The following EIF2A variants were observed in gnomAD, a reference collection of about 807,000 sequenced individuals.
EIF2A encodes the protein 65 kDa eukaryotic translation initiation factor 2A.
In EIF2A, 62 loss-of-function variants were observed where a neutral mutation model predicts 75.2. The ratio of observed to expected loss-of-function variants is 0.82; its 90% CI spans 0.67 to 1.02. EIF2A has a LOEUF of 1.02. EIF2A is among the 50% of genes least tolerant of loss of function. EIF2A has a pLI of 0.00. For synonymous variants in EIF2A, 207 were observed against 239.0 expected, an observed-to-expected ratio of 0.87 and a Z score of 1.23; for missense variants, 611 against 677.7, an observed-to-expected ratio of 0.90 and a Z score of 1.09.
chr3:150,552,620 T>G (rs1723370511), intron 2 of EIF2A, 195 bp downstream of exon 2: 1 of 461,150 alleles, frequency 2.2e-6, no homozygotes, highest in Non-Finnish European at 3.8e-6. Context: ...AATAGTAACT[T>G]AAGCCTATTT....
At chr3:150,564,578 A>G (rs1312147273) in intron 6 of EIF2A, 197 bp downstream of exon 6, 1 of 391,990 alleles carries the variant, frequency 2.6e-6, no homozygotes, top group Non-Finnish European at 4.5e-6. Flanking sequence ...TTTTACAATA[A>G]CTTTTTATTA....
At position 150,579,833 on chromosome 3, in the gene EIF2A, A is replaced by C. The variant is rs77052817; in HGVS notation, c.1498-1785A>C. Among the ~76,000 whole-genome samples the C allele has an allele frequency of 9.5e-4, 145 of 152,268 alleles. 3 individuals carry two copies. In the East Asian group the frequency reaches 0.025, roughly 27 times the overall value. On this transcript the variant is annotated intron_variant, in intron 11 of 13. Transcript: ENST00000460851. ...TCCCTGAGGATCTGAGGATGCTTTA[A>C]AAGTTCAGAGTATCCTACCCAGAAC...
intron 2 of EIF2A, among the ~76,000 whole-genome samples, chr3:150,555,339 C>T (rs1723506133): frequency 6.6e-6 from 1 of 152,066 alleles, no homozygotes; most frequent in Non-Finnish European, 1.5e-5. Context: ...TCACTGCAAC[C>T]TCTGCTTCCT....
At chr3:150,580,796 C>T (rs1056034408) in intron 11 of EIF2A, among the ~76,000 whole-genome samples, 2 of 152,110 alleles carry the variant, frequency 1.3e-5, no homozygotes, top group African/African-American at 2.4e-5. Context: ...CTGTGACAGT[C>T]GATCTGATAA....
chr3:150,550,837 T>C (rs1430683175), intron 1 of EIF2A, among the ~76,000 whole-genome samples: 1 of 152,232 alleles, frequency 6.6e-6, no homozygotes. Flanking sequence ...CAGCTAATTT[T>C]TGTAGAGACA....
intron 5 of EIF2A, 23 bp downstream of exon 5, chr3:150,563,637 T>C (rs1369450454): frequency 6.9e-7 from 1 of 1,459,158 alleles, no homozygotes; most frequent in Non-Finnish European, 9.2e-7. Flanking sequence ...CTTAAAATAC[T>C]AATTTTTTAC....
intron 3 of EIF2A, among the ~76,000 whole-genome samples, chr3:150,562,089 A>C (rs1288998609): frequency 2.6e-5 from 4 of 151,692 alleles, no homozygotes; most frequent in Non-Finnish European, 5.9e-5. Flanking sequence ...TATTTCCCGC[A>C]TATTTTCTAG....
At chr3:150,554,598 A>G (rs2107907078) in intron 2 of EIF2A, among the ~76,000 whole-genome samples, 1 of 152,176 alleles carries the variant, frequency 6.6e-6, no homozygotes, top group East Asian at 1.9e-4. Flanking sequence ...TTGCATTTTT[A>G]ACAAATTCCC....
At chr3:150,575,507 C>A in intron 10 of EIF2A, 142 bp from the exon 11 acceptor site, 1 of 625,780 alleles carries the variant, frequency 1.6e-6, no homozygotes, top group Non-Finnish European at 2.7e-6. Flanking sequence ...GTGCCACTAC[C>A]AATGAGTTTC....
intron 9 of EIF2A, among the ~76,000 whole-genome samples, chr3:150,571,005 G>A (rs1415168748): frequency 6.6e-6 from 1 of 151,882 alleles, no homozygotes; most frequent in Non-Finnish European, 1.5e-5. Context: ...GGCAGAGGTT[G>A]CATTGAGCCG....
At position 150,561,191 on chromosome 3, in the gene EIF2A, TG is replaced by T. The variant is rs377756063; in HGVS notation, c.174-1348del. Among the ~76,000 whole-genome samples, 69 of 152,312 alleles carry T rather than the reference TG, an allele frequency of 4.5e-4. No individual in the cohort carries two copies. In the East Asian group the frequency reaches 0.013, roughly 28 times the overall value. ...GTTGCCCGGGCTGGTTTTGAACTCC[TG>T]GGCTCAAGCAGTCCTCCCACCTCAG... On this transcript the variant is annotated intron_variant, in intron 3 of 13. Coordinates refer to ENST00000460851, the MANE Select transcript of EIF2A (RefSeq NM_032025.5).
intron 12 of EIF2A, among the ~76,000 whole-genome samples, chr3:150,582,032 GC>G (rs1369528182): frequency 2.6e-5 from 4 of 151,000 alleles, no homozygotes; most frequent in Non-Finnish European, 5.9e-5. Flanking sequence ...ACGGAGTCTT[GC>G]CCTGTTGCCC....
rs1725282493 is a variant in EIF2A at position 150,583,097 on chromosome 3, A to G, written c.1627-103A>G. On this transcript the variant is annotated intron_variant, in intron 12 of 13. Transcript: ENST00000460851. The stretch of plus-strand genomic sequence containing the variant: ...AACAGACCATTGTTGATACAAATCT[A>G]AGATAATTAATCTCCTTACTTGAGT... 9.4e-6 allele frequency: 9 copies of G among 958,498 alleles called. No homozygotes were observed. The South Asian group carries it at 1.6e-4, about 17-fold the overall frequency. The allele number at this position is 958,498 out of a possible 1,614,324, so 59.4% of individuals were successfully genotyped here. A position where few individuals can be genotyped will look rare whatever the true frequency, so the allele number is the denominator to read the frequency against.
chr3:150,571,837 C>T, intron 9 of EIF2A, 121 bp from the exon 10 acceptor site: 1 of 835,796 alleles, frequency 1.2e-6, no homozygotes, highest in Non-Finnish European at 1.8e-6. Flanking sequence ...TTAATGTTAA[C>T]ATTCCTTGAA....
chr3:150,563,824 T>G (rs377296868), intron 5 of EIF2A, among the ~76,000 whole-genome samples: 30 of 152,290 alleles, frequency 2.0e-4, no homozygotes, highest in Admixed American at 5.9e-4. Flanking sequence ...GTTTTCTTTT[T>G]TTTGTTTGTT....
intron 1 of EIF2A, among the ~76,000 whole-genome samples, chr3:150,551,343 G>C (rs1723305033): frequency 6.6e-6 from 1 of 152,102 alleles, no homozygotes; most frequent in Admixed American, 6.6e-5. Flanking sequence ...GGCCTAGGAG[G>C]TAGTTTGTTC....
In EIF2A at chr3:150,571,945, A is replaced by T; in HGVS notation, c.812-13A>T. 6.3e-7 allele frequency: 1 copy of T among 1,590,962 alleles called. No individual in the cohort carries two copies. The highest frequency in any genetic ancestry group is 2.2e-5 in the East Asian group (1 of 44,720). ...TCTTTATTGCTAATTTGGGCTTTAT[A>T]TTCTTTTTCTAGCAAAAAATGGCCC... On this transcript the variant is annotated splice_polypyrimidine_tract_variant and intron_variant, in intron 9 of 13. Transcript: ENST00000460851.
chr3:150,563,210 T>A (rs1487670858), intron 4 of EIF2A, among the ~76,000 whole-genome samples: 1 of 152,192 alleles, frequency 6.6e-6, no homozygotes, highest in Non-Finnish European at 1.5e-5. Context: ...TATTTTTGAA[T>A]AAGTAAATGA....
rs559370539 is a variant in EIF2A at position 150,577,792 on chromosome 3, AG to A, written c.1497+2032del. Among the ~76,000 whole-genome samples the A allele has an allele frequency of 2.6e-3, 394 of 152,186 alleles. 2 individuals carry two copies. The highest frequency in any genetic ancestry group is 3.1e-3 in the Non-Finnish European group (208 of 68,006). ...TTGCTGATAATTCTTGAATTTTGAC[AG>A]GTCTAGGCTGGTTATGTGTTTTGGG... On this transcript the variant is annotated intron_variant, in intron 11 of 13. Transcript: ENST00000460851.
Sources: gnomAD v4.1 joint callset for allele counts (sites outside exome capture counted in the v4.1 genomes callset) on GRCh38, gnomAD v4.1.1 for gene constraint, MANE v1.5 for transcripts, NCBI Gene and HGNC (gene_info 2026-07-23, HGNC 2026-07-21) for gene names.